The following LPP variants were observed in gnomAD, a reference collection of about 807,000 sequenced individuals.
LPP encodes the protein LIM domain containing preferred translocation partner in lipoma, also known as lipoma-preferred partner.
In LPP, 38 loss-of-function variants were observed where a neutral mutation model predicts 60.4. The ratio of observed to expected loss-of-function variants is 0.63; its 90% CI spans 0.49 to 0.83. The LOEUF is 0.83. Among genes scored for constraint, LPP ranks in the 40% least tolerant of loss-of-function variants. LPP has a pLI of 0.00. For synonymous variants in LPP, 328 were observed against 290.8 expected (o/e 1.13, Z -1.30); for missense variants, 902 against 783.6 (o/e 1.15, Z -1.80).
intron 2 of LPP, among the ~76,000 whole-genome samples, chr3:188,306,387 C>A (rs1235007202): frequency 6.6e-6 from 1 of 152,032 alleles, no homozygotes; most frequent in Non-Finnish European, 1.5e-5. Flanking sequence ...CCGTGCCTGG[C>A]CTGAAAATTG....
rs77557261 is a variant in LPP at position 188,197,164 on chromosome 3, T to C, written c.-189-28241T>C. 3.6e-3 allele frequency among the ~76,000 whole-genome samples: 547 copies of C among 152,192 alleles called. 17 individuals are homozygous for C. In the East Asian group the frequency reaches 0.08, roughly 22 times the overall value. ...TTCTAGCCAGGTAGGGATGGGAGCA[T>C]GGAGGGTTCAAGGAATGGTGACATT... is the stretch of plus-strand genomic sequence containing the variant. On this transcript the variant is annotated intron_variant, in intron 1 of 11. Transcript: ENST00000617246.
At chr3:188,464,862 G>A (rs1799972936) in intron 4 of LPP, among the ~76,000 whole-genome samples, 1 of 151,656 alleles carries the variant, frequency 6.6e-6, no homozygotes, top group Non-Finnish European at 1.5e-5. Flanking sequence ...ATTTGGTTTG[G>A]GATGAATCTC....
chr3:188,218,110 G>A (rs975625203), intron 1 of LPP, among the ~76,000 whole-genome samples: 1 of 152,186 alleles, frequency 6.6e-6, no homozygotes, highest in East Asian at 1.9e-4. Flanking sequence ...ATGTGAGATG[G>A]GTCTGGAAGG....
chr3:188,497,651 G>C (rs1810639978), intron 5 of LPP, among the ~76,000 whole-genome samples: 1 of 152,020 alleles, frequency 6.6e-6, no homozygotes, highest in African/African-American at 2.4e-5. Flanking sequence ...GCTAGAGTTA[G>C]GTATTTCATG....
chr3:188,480,663 C>T (rs1804519846), intron 4 of LPP, among the ~76,000 whole-genome samples: 2 of 152,126 alleles, frequency 1.3e-5, no homozygotes, highest in Admixed American at 1.3e-4. Flanking sequence ...TAAAAGCTTG[C>T]CTGTACGTCT....
At chr3:188,818,921 A>G (rs1340035240) in intron 9 of LPP, among the ~76,000 whole-genome samples, 1 of 152,098 alleles carries the variant, frequency 6.6e-6, no homozygotes, top group Non-Finnish European at 1.5e-5. Flanking sequence ...AAGATAAGAT[A>G]ATTTATTATG....
chr3:188,486,407 G>T (rs748352122), intron 5 of LPP, among the ~76,000 whole-genome samples: 22 of 152,128 alleles, frequency 1.4e-4, no homozygotes, highest in Admixed American at 1.4e-3. Context: ...AAATAAACAA[G>T]ATACGCACAT....
At chr3:188,175,443 G>C (rs1286578429) in intron 1 of LPP, among the ~76,000 whole-genome samples, 6 of 152,144 alleles carry the variant, frequency 3.9e-5, no homozygotes, top group Non-Finnish European at 8.8e-5. Context: ...CACTGAGAAG[G>C]TGCACATTCA....
intron 9 of LPP, among the ~76,000 whole-genome samples, chr3:188,765,905 C>T (rs531673878): frequency 8.0e-6 from 1 of 125,584 alleles, no homozygotes; most frequent in Non-Finnish European, 1.6e-5. Context: ...GGGTCTCTCT[C>T]TGTCGCCCAG....
chr3:188,824,913 G>A (rs909859220), intron 9 of LPP, among the ~76,000 whole-genome samples: 2 of 152,148 alleles, frequency 1.3e-5, no homozygotes, highest in African/African-American at 2.4e-5. Flanking sequence ...AGTAGGGTGG[G>A]ATATTGGTGC....
At chr3:188,675,506 T>G (rs1857846664) in intron 7 of LPP, among the ~76,000 whole-genome samples, 1 of 152,212 alleles carries the variant, frequency 6.6e-6, no homozygotes, top group Non-Finnish European at 1.5e-5. Context: ...CTGGATGATG[T>G]ATGTTTGTAT....
chr3:188,418,705 A>T (rs1560378725), intron 4 of LPP, among the ~76,000 whole-genome samples: 1 of 152,142 alleles, frequency 6.6e-6, no homozygotes, highest in Non-Finnish European at 1.5e-5. Flanking sequence ...CTGTGCATGG[A>T]TGTCTATGAT....
intron 7 of LPP, among the ~76,000 whole-genome samples, chr3:188,627,758 A>G (rs1286451634): frequency 6.6e-6 from 1 of 152,080 alleles, no homozygotes; most frequent in Non-Finnish European, 1.5e-5. Context: ...CACTTGACCA[A>G]ATGGACCTAT....
chr3:188,353,047 T>A (rs1766402918), intron 3 of LPP, among the ~76,000 whole-genome samples: 1 of 152,232 alleles, frequency 6.6e-6, no homozygotes, highest in African/African-American at 2.4e-5. Context: ...TGACCTCACG[T>A]AAGACCTCAC....
At chr3:188,709,040 A>G (rs1468882525) in intron 8 of LPP, 1 of 152,146 alleles carries the variant, frequency 6.6e-6, no homozygotes, top group Non-Finnish European at 1.5e-5. Flanking sequence ...CTGATATCCA[A>G]TTTCCAGATT....
At chr3:188,735,132 C>T (rs773645714) in intron 8 of LPP, among the ~76,000 whole-genome samples, 2 of 152,088 alleles carry the variant, frequency 1.3e-5, no homozygotes, top group Non-Finnish European at 2.9e-5. Flanking sequence ...CTGTATAATA[C>T]ATCATTTACT....
Position 188,610,118 on chromosome 3 carries a change from G to A in LPP, c.1113+274G>A, listed in dbSNP as rs1843384123. 6.6e-6 allele frequency among the ~76,000 whole-genome samples: 1 copy of A among 152,224 alleles called. No individual in the cohort carries two copies. Among genetic ancestry groups the A allele is most frequent in the Non-Finnish European group, 1.5e-5 (1 of 68,048 alleles). On this transcript the variant is annotated intron_variant, in intron 7 of 11. Transcript: ENST00000617246. This position sits in a 1 kb window ranked among gnomAD's most constrained non-coding sequence, Gnocchi z 4.4. ...AGACACCATAGCATCTGAGGACAAA[G>A]TGTTCTGATGGAGAAAGAGAAAATA...
chr3:188,659,093 G>GT (rs5855216), intron 7 of LPP, among the ~76,000 whole-genome samples: 3,149 of 152,242 alleles, frequency 0.021, 50 homozygotes, highest in South Asian at 0.095. Context: ...CTTAGTAAGT[G>GT]TTAAAAAATA....
At chr3:188,598,659 G>A (rs550769273) in intron 6 of LPP, among the ~76,000 whole-genome samples, 4 of 152,018 alleles carry the variant, frequency 2.6e-5, no homozygotes, top group Admixed American at 1.3e-4. Flanking sequence ...CTGGTATTTC[G>A]AATTAATGTT....
Sources: gnomAD v4.1 joint callset for allele counts (sites outside exome capture counted in the v4.1 genomes callset) on GRCh38, gnomAD v4.1.1 for gene constraint, Gnocchi (gnomAD v3.1) non-coding constraint, MANE v1.5 for transcripts, NCBI Gene and HGNC (gene_info 2026-07-23, HGNC 2026-07-21) for gene names.